KHDRBS2: variants seen among roughly 807,000 people sequenced by gnomAD.
KHDRBS2 encodes the protein KH domain-containing, RNA-binding, signal transduction-associated protein 2.
A neutral mutation model predicts 44.3 loss-of-function variants in KHDRBS2; 26 were observed. The ratio of observed to expected loss-of-function variants is 0.59; its 90% CI spans 0.43 to 0.81. The LOEUF (loss-of-function observed/expected upper bound fraction) is 0.81. Ranked by LOEUF, KHDRBS2 falls within the 40% of genes least tolerant of loss-of-function variation. The pLI is 0.00. For missense variants in KHDRBS2, 476 were observed against 433.1 expected (o/e 1.10, Z -0.88); for synonymous variants, 194 against 151.1 (o/e 1.28, Z -2.08).
intron 6 of KHDRBS2, among the ~76,000 whole-genome samples, chr6:61,868,533 G>T (rs1039041856): frequency 7.2e-5 from 11 of 152,232 alleles, no homozygotes; most frequent in Non-Finnish European, 1.6e-4. Context: ...CCAGCTGGGA[G>T]GTCCTGCCCA....
chr6:61,797,705 T>A (rs1231765096), intron 6 of KHDRBS2, among the ~76,000 whole-genome samples: 3 of 148,196 alleles, frequency 2.0e-5, no homozygotes, highest in Non-Finnish European at 4.5e-5. Context: ...TGATAACTGA[T>A]ACTGTGTCAG....
intron 3 of KHDRBS2, among the ~76,000 whole-genome samples, chr6:61,992,182 A>T (rs1776263268): frequency 6.6e-6 from 1 of 152,212 alleles, no homozygotes. Flanking sequence ...GTTCCTGCTT[A>T]CAAGTCTTGG....
the KHDRBS2 span, among the ~76,000 whole-genome samples, chr6:61,602,314 A>G: frequency 6.6e-6 from 1 of 152,142 alleles, no homozygotes; most frequent in Non-Finnish European, 1.5e-5. Flanking sequence ...AGAACTTCCA[A>G]AGGCTTGAAC....
intron 3 of KHDRBS2, among the ~76,000 whole-genome samples, chr6:61,984,289 C>T (rs1448428195): frequency 2.0e-5 from 3 of 152,116 alleles, no homozygotes; most frequent in Middle Eastern, 3.2e-3. Flanking sequence ...TTCCCTTTTA[C>T]AGATATCATA....
intron 4 of KHDRBS2, among the ~76,000 whole-genome samples, chr6:61,909,736 C>T (rs1172401331): frequency 6.6e-6 from 1 of 152,188 alleles, no homozygotes; most frequent in Non-Finnish European, 1.5e-5. Flanking sequence ...TACGTACACT[C>T]ATGTCCATCT....
At chr6:62,036,518 C>T (rs1271835836) in intron 3 of KHDRBS2, among the ~76,000 whole-genome samples, 2 of 151,862 alleles carry the variant, frequency 1.3e-5, no homozygotes, top group Admixed American at 6.6e-5. Context: ...ATGTAGCAAA[C>T]CTGCACTTTT....
intron 2 of KHDRBS2, among the ~76,000 whole-genome samples, chr6:62,131,355 C>T (rs1810274798): frequency 6.6e-6 from 1 of 152,122 alleles, no homozygotes; most frequent in Admixed American, 6.6e-5. Context: ...CAACAAATTC[C>T]ACTGAACTTG....
At chr6:61,662,235 A>G in the KHDRBS2 span, among the ~76,000 whole-genome samples, 1 of 152,160 alleles carries the variant, frequency 6.6e-6, no homozygotes, top group Non-Finnish European at 1.5e-5. Flanking sequence ...TACATCTTAT[A>G]CAAAAATTAA....
chr6:62,005,840 C>T (rs1779114293), intron 3 of KHDRBS2, among the ~76,000 whole-genome samples: 1 of 151,534 alleles, frequency 6.6e-6, no homozygotes. Context: ...ATGAAAATAG[C>T]AAAACCAGTA....
At chr6:62,025,900 T>G (rs1783221027) in intron 3 of KHDRBS2, among the ~76,000 whole-genome samples, 1 of 152,116 alleles carries the variant, frequency 6.6e-6, no homozygotes, top group African/African-American at 2.4e-5. Context: ...AAGGCTCGAT[T>G]AAATTCAGAT....
At chr6:62,022,247 T>A (rs895377108) in intron 3 of KHDRBS2, among the ~76,000 whole-genome samples, 14 of 151,748 alleles carry the variant, frequency 9.2e-5, no homozygotes, top group African/African-American at 3.4e-4. Flanking sequence ...GAAGTAAAAA[T>A]GTTAAAAGTA....
chr6:62,059,742 T>C (rs1208845588), intron 2 of KHDRBS2, among the ~76,000 whole-genome samples: 3 of 151,756 alleles, frequency 2.0e-5, no homozygotes, highest in Admixed American at 6.6e-5. Context: ...TGTAATTTTC[T>C]ATACAGGGGT....
In KHDRBS2 at chr6:61,978,907, C is replaced by T. The variant is rs191566704; in HGVS notation, c.337-695G>A. Among the ~76,000 whole-genome samples, 248 of 152,114 alleles carry T rather than the reference C, an allele frequency of 1.6e-3. 2 individuals carry two copies. In the Middle Eastern group the frequency reaches 0.017, roughly 10 times the overall value. On this transcript the variant is annotated intron_variant, in intron 3 of 8. Coordinates refer to ENST00000281156, the MANE Select transcript of KHDRBS2 (RefSeq NM_152688.4). ...TACTAGGTTGGTGGAAAAGCAATTGCCATTAATTGCTTTTAATGGCATTAT... is the reference window on the plus strand; with the variant it reads ...TACTAGGTTGGTGGAAAAGCAATTGTCATTAATTGCTTTTAATGGCATTAT...
chr6:61,685,850 G>A lies in KHDRBS2; in HGVS notation c.953-4790C>T, dbSNP rs1223499357. On this transcript the variant is annotated intron_variant, in intron 8 of 8. Transcript: ENST00000281156. ...CACAGTGGGAAAGAAAAATCTGGAT[G>A]ATTTTTAAAGTTGCAAAACTGTGTT... Among the ~76,000 whole-genome samples the A allele has an allele frequency of 2.0e-5, 3 of 151,706 alleles. No homozygotes were observed. In the Admixed American group the frequency reaches 2.0e-4, roughly 10 times the overall value.
chr6:61,765,052 G>A (rs967339472), intron 6 of KHDRBS2, among the ~76,000 whole-genome samples: 8 of 152,026 alleles, frequency 5.3e-5, no homozygotes, highest in East Asian at 1.9e-4. Flanking sequence ...TTCAAATTAC[G>A]AAAGTCACTT....
chr6:61,605,954 A>G, the KHDRBS2 span, among the ~76,000 whole-genome samples: 1 of 152,142 alleles, frequency 6.6e-6, no homozygotes, highest in Non-Finnish European at 1.5e-5. Context: ...AACTGATGAC[A>G]TTCCACCACA....
chr6:61,691,101 A>T (rs1398773869), intron 8 of KHDRBS2, among the ~76,000 whole-genome samples: 2 of 152,096 alleles, frequency 1.3e-5, no homozygotes, highest in Admixed American at 1.3e-4. Flanking sequence ...TTCAAAGCTC[A>T]ACAGGTGATC....
chr6:61,673,511 A>G, the KHDRBS2 span, among the ~76,000 whole-genome samples: 6 of 148,918 alleles, frequency 4.0e-5, no homozygotes, highest in African/African-American at 1.2e-4. Context: ...ACATGATTGT[A>G]TATCTAGAAA....
chr6:62,160,634 T>G (rs1448523838), intron 2 of KHDRBS2, among the ~76,000 whole-genome samples: 1 of 152,108 alleles, frequency 6.6e-6, no homozygotes, highest in East Asian at 1.9e-4. Flanking sequence ...TGTTAAGGAT[T>G]GTAAAGATAC....
Sources: allele counts gnomAD v4.1 joint callset (sites outside exome capture counted in the v4.1 genomes callset), GRCh38; gene constraint gnomAD v4.1.1; transcripts MANE v1.5; gene names NCBI Gene and HGNC (gene_info 2026-07-23, HGNC 2026-07-21).